ACBD6: variants seen among roughly 807,000 people sequenced by gnomAD.
ACBD6 encodes acyl-CoA binding domain containing 6.
A neutral mutation model predicts 37.2 loss-of-function variants in ACBD6; 28 were observed. That is an observed-to-expected ratio of 0.75 (90% CI 0.56 to 1.03). The LOEUF is 1.03. ACBD6 is among the 50% of genes least tolerant of loss of function. ACBD6 has a pLI of 0.00. For missense variants in ACBD6, 340 were observed against 337.4 expected, an observed-to-expected ratio of 1.01 and a Z score of -0.06; for synonymous variants, 113 against 126.8, an observed-to-expected ratio of 0.89 and a Z score of 0.73.
Position 180,417,588 on chromosome 1 carries a change from C to A in ACBD6, c.468-4117G>T, listed in dbSNP as rs542786885. On this transcript the variant is annotated intron_variant, in intron 4 of 7. Coordinates refer to ENST00000367595, the MANE Select transcript of ACBD6 (RefSeq NM_032360.4). Reference sequence around the variant, plus strand: ...GAAAGGAGGGACCCAGCACTTCAATCACTACAAAGACATAGTCCCTTTGGT... The same window carrying A: ...GAAAGGAGGGACCCAGCACTTCAATAACTACAAAGACATAGTCCCTTTGGT... Among the ~76,000 whole-genome samples, 7 of 152,330 alleles carry A rather than the reference C, an allele frequency of 4.6e-5. No individual in the cohort carries two copies. In the East Asian group the frequency reaches 7.7e-4, roughly 17 times the overall value.
At chr1:180,450,869 G>A (rs369415536) in intron 3 of ACBD6, among the ~76,000 whole-genome samples, 9 of 152,168 alleles carry the variant, frequency 5.9e-5, no homozygotes, top group African/African-American at 9.6e-5. Flanking sequence ...AAACAATAAC[G>A]ATACCAAAAC....
At chr1:180,270,532 A>G (rs1648584045) in exon 14 of ACBD6, 1 of 152,274 alleles carries the variant, frequency 6.6e-6, no homozygotes, top group Non-Finnish European at 1.5e-5. Context: ...CTGACTTTGA[A>G]TGGAACAAAC....
At chr1:180,474,182 C>T (rs188697424) in intron 3 of ACBD6, among the ~76,000 whole-genome samples, 299 of 152,142 alleles carry the variant, frequency 2.0e-3, no homozygotes, top group Non-Finnish European at 3.3e-3. Context: ...TTCACTTATA[C>T]GCAGGGAGAA....
At chr1:180,387,445 C>T (rs759242566) in intron 6 of ACBD6, among the ~76,000 whole-genome samples, 5 of 152,198 alleles carry the variant, frequency 3.3e-5, no homozygotes, top group Admixed American at 1.3e-4. Flanking sequence ...ACCACACTTA[C>T]GACAGAAGGG....
chr1:180,448,113 G>A (rs1277580782), intron 3 of ACBD6, among the ~76,000 whole-genome samples: 1 of 152,050 alleles, frequency 6.6e-6, no homozygotes, highest in African/African-American at 2.4e-5. Flanking sequence ...AATAAATAAG[G>A]CAGTAAAATT....
At chr1:180,300,930 AAGAC>A (rs1186296687) in intron 7 of ACBD6, among the ~76,000 whole-genome samples, 3 of 152,210 alleles carry the variant, frequency 2.0e-5, no homozygotes, top group Non-Finnish European at 2.9e-5. Context: ...CTTCCTTAAA[AAGAC>A]AGCAGGACTG....
intron 3 of ACBD6, among the ~76,000 whole-genome samples, chr1:180,437,927 G>A (rs1394260092): frequency 6.6e-6 from 1 of 152,160 alleles, no homozygotes; most frequent in South Asian, 2.1e-4. Flanking sequence ...TATGATGAGG[G>A]TATGCACAGA....
intron 6 of ACBD6, among the ~76,000 whole-genome samples, chr1:180,353,049 T>C (rs1652475725): frequency 6.6e-6 from 1 of 152,250 alleles, no homozygotes; most frequent in African/African-American, 2.4e-5. Flanking sequence ...ACCACCACTA[T>C]TTTATTTCTT....
intron 5 of ACBD6, among the ~76,000 whole-genome samples, chr1:180,413,051 G>GTA (rs959330210): frequency 1.5e-4 from 23 of 152,228 alleles, no homozygotes; most frequent in African/African-American, 5.5e-4. Flanking sequence ...CGAAAGCTAT[G>GTA]TATAAATGAG....
intron 2 of ACBD6, 111 bp from the exon 3 acceptor site, chr1:180,492,476 GATA>G (rs1651543859): frequency 2.4e-6 from 2 of 833,652 alleles, no homozygotes; most frequent in African/African-American, 1.7e-5. Flanking sequence ...TGAATATAGA[GATA>G]ATAAGCTATG....
intron 5 of ACBD6, among the ~76,000 whole-genome samples, chr1:180,398,303 C>A (rs994256259): frequency 6.6e-6 from 1 of 152,128 alleles, no homozygotes; most frequent in South Asian, 2.1e-4. Flanking sequence ...ATATTATGTC[C>A]ATTTCTTTTT....
chr1:180,430,126 T>G (rs1431042645), intron 4 of ACBD6, 54 bp downstream of exon 4: 3 of 1,457,776 alleles, frequency 2.1e-6, no homozygotes, highest in Admixed American at 3.4e-5. Flanking sequence ...TACAAACACA[T>G]GCACACACAC....
chr1:180,282,552 A>G (rs1002909628), intron 8 of ACBD6, among the ~76,000 whole-genome samples: 14 of 152,214 alleles, frequency 9.2e-5, no homozygotes, highest in African/African-American at 3.4e-4. Flanking sequence ...ACAAACATCC[A>G]TAAAGTTGAC....
intron 6 of ACBD6, among the ~76,000 whole-genome samples, chr1:180,334,614 C>G (rs1164468641): frequency 6.6e-6 from 1 of 152,190 alleles, no homozygotes; most frequent in Non-Finnish European, 1.5e-5. Flanking sequence ...TTCTCCTCCT[C>G]CAAAGGAACG....
chr1:180,482,333 G>A (rs940443073), intron 3 of ACBD6, among the ~76,000 whole-genome samples: 7 of 152,130 alleles, frequency 4.6e-5, no homozygotes, highest in African/African-American at 1.7e-4. Context: ...TTATTTGGCT[G>A]CTGGAACTAA....
chr1:180,271,708 A>G (rs1054708604), exon 14 of ACBD6: 20 of 1,284,636 alleles, frequency 1.6e-5, no homozygotes, highest in Non-Finnish European at 2.3e-5. Context: ...GGTGGGGCGC[A>G]TCGCACTCCC....
chr1:180,397,665 T>A, intron 5 of ACBD6, 60 bp from the exon 6 acceptor site: 2 of 1,343,970 alleles, frequency 1.5e-6, no homozygotes, highest in Non-Finnish European at 1.1e-6. Flanking sequence ...GTAAAAGATA[T>A]AATGTTTTAA....
At chr1:180,301,896 T>G (rs1242970963) in intron 7 of ACBD6, among the ~76,000 whole-genome samples, 1 of 152,200 alleles carries the variant, frequency 6.6e-6, no homozygotes, top group East Asian at 1.9e-4. Context: ...CAGAACAGTA[T>G]GTACTACAGT....
chr1:180,497,790 T>C (rs1240396166), intron 1 of ACBD6, among the ~76,000 whole-genome samples: 3 of 152,224 alleles, frequency 2.0e-5, no homozygotes, highest in Non-Finnish European at 4.4e-5. Flanking sequence ...TACTGCAATA[T>C]GTTGTTTTGG....
Sources: gnomAD v4.1 joint callset for allele counts (sites outside exome capture counted in the v4.1 genomes callset) on GRCh38, gnomAD v4.1.1 for gene constraint, MANE v1.5 for transcripts, NCBI Gene and HGNC (gene_info 2026-07-23, HGNC 2026-07-21) for gene names.